The following KLRG2 variants were observed in gnomAD, a reference collection of about 807,000 sequenced individuals.
The protein encoded by KLRG2 is killer cell lectin-like receptor subfamily G member 2.
In KLRG2, 39 loss-of-function variants were observed where a neutral mutation model predicts 35.4. That is an observed-to-expected ratio of 1.10 (90% confidence interval 0.85 to 1.44). The LOEUF (loss-of-function observed/expected upper bound fraction) is 1.44. Ranked by LOEUF, KLRG2 falls within the 40% of genes most tolerant of loss-of-function variation. KLRG2 has a pLI of 0.00. For missense variants in KLRG2, 632 were observed against 570.9 expected, an observed-to-expected ratio of 1.11 and a Z score of -1.09; for synonymous variants, 283 against 265.8, an observed-to-expected ratio of 1.06 and a Z score of -0.63.
chr7:139,466,979 C>T (rs571549433), intron 3 of KLRG2, among the ~76,000 whole-genome samples: 7 of 152,140 alleles, frequency 4.6e-5, no homozygotes, highest in African/African-American at 1.7e-4. Flanking sequence ...TGTTTTTCTC[C>T]TTCTCTTATT....
chr7:139,430,187 G>C, the KLRG2 span, among the ~76,000 whole-genome samples: 1 of 152,210 alleles, frequency 6.6e-6, no homozygotes, highest in East Asian at 1.9e-4. Flanking sequence ...CAGATCACCT[G>C]AGGTCGGGAG....
At chr7:139,479,152 G>A (rs558734939) in intron 3 of KLRG2, among the ~76,000 whole-genome samples, 2 of 152,060 alleles carry the variant, frequency 1.3e-5, no homozygotes, top group South Asian at 2.1e-4. Flanking sequence ...GAGTGATCTC[G>A]GCTCACTGCA....
At chr7:139,429,380 C>CTT in the KLRG2 span, among the ~76,000 whole-genome samples, 349 of 143,222 alleles carry the variant, frequency 2.4e-3, 2 homozygotes, top group Middle Eastern at 7.8e-3. Context: ...TTTTCTTTTT[C>CTT]TTTTTCTTTT....
At chr7:139,431,713 G>T in the KLRG2 span, among the ~76,000 whole-genome samples, 1 of 152,188 alleles carries the variant, frequency 6.6e-6, no homozygotes, top group Admixed American at 6.5e-5. Context: ...AGCTGGCAGT[G>T]CCTGGTGGGA....
chr7:139,449,525 C>T (rs1796344931), downstream of KLRG2, among the ~76,000 whole-genome samples: 1 of 152,090 alleles, frequency 6.6e-6, no homozygotes. Context: ...ACACTGCACA[C>T]TTGGGCTACA....
chr7:139,429,957 C>T, the KLRG2 span, among the ~76,000 whole-genome samples: 49 of 151,974 alleles, frequency 3.2e-4, no homozygotes, highest in South Asian at 9.1e-3. Flanking sequence ...GCTGGCCGGG[C>T]GGGGGGCTGA....
Position 139,483,547 on chromosome 7 carries a change from C to A in KLRG2, c.96G>T (p.Pro32=). The A allele has an allele frequency of 1.3e-6, 2 of 1,598,844 alleles. No homozygotes were observed. The highest frequency in any genetic ancestry group is 8.5e-7 in the Non-Finnish European group (1 of 1,178,870). The change falls in exon 1 of 5, where the codon CCG becomes CCT. Residue 32 remains proline, a synonymous_variant. Coordinates refer to ENST00000340940, the MANE Select transcript of KLRG2 (RefSeq NM_198508.4). ...GTTGTCGCACCTTCGCGGGCACCTGCGGCTGCTCCAGCGTGGGGACCAGGC... is the reference window on the plus strand; with the variant it reads ...GTTGTCGCACCTTCGCGGGCACCTGAGGCTGCTCCAGCGTGGGGACCAGGC... ...VGSLVPTLEQ[P]QVPAKVRQPE... is the part of the protein sequence containing the mutation.
chr7:139,475,297 C>T (rs946333227), intron 3 of KLRG2, among the ~76,000 whole-genome samples: 5 of 151,796 alleles, frequency 3.3e-5, no homozygotes, highest in Admixed American at 6.6e-5. Context: ...TTTAGGAGGC[C>T]GAGGCAGGCG....
chr7:139,453,725 G>A lies in KLRG2; in HGVS notation c.1110-18C>T. 1 of 1,613,772 alleles carries A rather than the reference G, an allele frequency of 6.2e-7. No homozygotes were observed. The highest frequency in any genetic ancestry group is 8.5e-7 in the Non-Finnish European group (1 of 1,179,882). ...CAGGGAGTCTGGGAAAGGATGGGAG[G>A]GGAAAGAGGAGAGGTGTTTAGGGTG... is the stretch of plus-strand genomic sequence containing the variant. On this transcript the variant is annotated intron_variant, in intron 4 of 4. Coordinates refer to ENST00000340940, the MANE Select transcript of KLRG2 (RefSeq NM_198508.4).
chr7:139,481,783 G>A (rs1796963883), intron 1 of KLRG2, among the ~76,000 whole-genome samples: 4 of 152,112 alleles, frequency 2.6e-5, no homozygotes, highest in Admixed American at 2.6e-4. Flanking sequence ...AACTAGCCAG[G>A]CATGGTGGCC....
chr7:139,454,846 TAATAATAA>T (rs1796438553), intron 3 of KLRG2, among the ~76,000 whole-genome samples: 1 of 139,528 alleles, frequency 7.2e-6, no homozygotes, highest in South Asian at 2.3e-4. Flanking sequence ...ATAATAATAA[TAATAATAA>T]TAATAATAAT....
intron 3 of KLRG2, among the ~76,000 whole-genome samples, chr7:139,466,375 T>C (rs1037798779): frequency 2.6e-5 from 4 of 152,192 alleles, no homozygotes; most frequent in African/African-American, 9.6e-5. Context: ...TACAGTCTGA[T>C]AATGGACCGG....
At chr7:139,451,660 G>A (rs183558792), downstream of KLRG2, among the ~76,000 whole-genome samples, 4 of 152,120 alleles carry the variant, frequency 2.6e-5, no homozygotes, top group Admixed American at 2.6e-4. Context: ...TGCGTGCTGG[G>A]ATGGAAAGAA....
intron 3 of KLRG2, among the ~76,000 whole-genome samples, chr7:139,475,314 G>A (rs1012456914): frequency 7.2e-5 from 11 of 152,056 alleles, no homozygotes; most frequent in Non-Finnish European, 1.3e-4. Context: ...GGCGGATCAC[G>A]AGGTCAGGAG....
the KLRG2 span, among the ~76,000 whole-genome samples, chr7:139,441,078 C>A: frequency 6.6e-6 from 1 of 152,158 alleles, no homozygotes; most frequent in Non-Finnish European, 1.5e-5. Context: ...AACGCTGTCT[C>A]TATCAAAAAA....
At chr7:139,449,847 C>G (rs1796349233), downstream of KLRG2, among the ~76,000 whole-genome samples, 1 of 151,102 alleles carries the variant, frequency 6.6e-6, no homozygotes. Context: ...CTACAGGCGC[C>G]CACCACCACG....
downstream of KLRG2, among the ~76,000 whole-genome samples, chr7:139,450,349 G>A (rs1284000503): frequency 3.3e-5 from 5 of 151,876 alleles, no homozygotes; most frequent in South Asian, 2.1e-4. Context: ...TCAGCCTCCC[G>A]AGTAGCTGGG....
Position 139,482,870 on chromosome 7 carries a change from G to A in KLRG2, c.757+16C>T. On this transcript the variant is annotated intron_variant, in intron 1 of 4. Coordinates refer to ENST00000340940, the MANE Select transcript of KLRG2 (RefSeq NM_198508.4). ...CGACCTGGCGGCGTCGGCTGCCGGC[G>A]CAGGTGAGCACTCACCCGTAAGCGT... The A allele has an allele frequency of 1.4e-6, 2 of 1,392,476 alleles. No individual in the cohort carries two copies. The highest frequency in any genetic ancestry group is 1.9e-6 in the Non-Finnish European group (2 of 1,079,886). 86.3% of individuals were successfully genotyped at this position (1,392,476 alleles called of 1,614,324 possible).
intron 2 of KLRG2, 76 bp downstream of exon 2, chr7:139,480,070 T>G (rs1796927725): frequency 2.0e-6 from 2 of 990,972 alleles, no homozygotes; most frequent in African/African-American, 1.6e-5. Context: ...AATTCTAAGG[T>G]GTTTTAAGGG....
Sources: gnomAD v4.1 joint callset for allele counts (sites outside exome capture counted in the v4.1 genomes callset) on GRCh38, gnomAD v4.1.1 for gene constraint, MANE v1.5 for transcripts, NCBI Gene and HGNC (gene_info 2026-07-23, HGNC 2026-07-21) for gene names.